The following DCC variants were observed in gnomAD, a reference collection of about 807,000 sequenced individuals.
The protein encoded by DCC is netrin receptor DCC.
Under a neutral mutation model 172.5 loss-of-function variants are expected in DCC, and 58 were observed. The ratio of observed to expected loss-of-function variants is 0.34; its 90% CI spans 0.27 to 0.42. The LOEUF (loss-of-function observed/expected upper bound fraction) is 0.42, where lower values mean the gene tolerates loss of function less well. Ranked by LOEUF, DCC falls within the 10% of genes least tolerant of loss-of-function variation. DCC has a pLI of 1.00. For missense variants in DCC, 1,740 were observed against 1,791.0 expected (o/e 0.97, Z 0.51); for synonymous variants, 709 against 644.5 (o/e 1.10, Z -1.52).
intron 28 of DCC, among the ~76,000 whole-genome samples, chr18:53,527,182 A>AGACT: frequency 6.8e-6 from 1 of 147,334 alleles, no homozygotes; most frequent in East Asian, 2.0e-4. Context: ...GGAAATAAAT[A>AGACT]AGACTATATA....
At chr18:53,316,351 C>T (rs972906375) in intron 13 of DCC, among the ~76,000 whole-genome samples, 27 of 152,066 alleles carry the variant, frequency 1.8e-4, no homozygotes, top group Admixed American at 3.3e-4. Flanking sequence ...GTTTTGTTTA[C>T]GGTAGCTTAT....
chr18:52,557,428 G>T lies in DCC; in HGVS notation c.92-194626G>T, dbSNP rs73957924. Among the ~76,000 whole-genome samples, 689 of 152,260 alleles carry T rather than the reference G, an allele frequency of 4.5e-3. 4 individuals carry two copies. The highest frequency in any genetic ancestry group is 0.016 in the African/African-American group (650 of 41,554). On this transcript the variant is annotated intron_variant, in intron 1 of 28. Transcript: ENST00000442544. ...TTGGTAGATGATTGACACAAGTCTG[G>T]CAGGGAGCCAGCGCTGTGAAAACCA...
At chr18:52,864,140 A>C (rs1458026022) in intron 2 of DCC, among the ~76,000 whole-genome samples, 1 of 152,214 alleles carries the variant, frequency 6.6e-6, no homozygotes, top group African/African-American at 2.4e-5. Flanking sequence ...GGTAAAACTC[A>C]CTAGTTTAAA....
chr18:53,040,229 A>G (rs1037298255), intron 5 of DCC, among the ~76,000 whole-genome samples: 3 of 152,040 alleles, frequency 2.0e-5, no homozygotes, highest in Non-Finnish European at 4.4e-5. Context: ...TGTGCTAGGC[A>G]CTGTGCTATG....
At chr18:52,351,712 G>A (rs1017782907) in intron 1 of DCC, among the ~76,000 whole-genome samples, 2 of 152,150 alleles carry the variant, frequency 1.3e-5, no homozygotes, top group Non-Finnish European at 2.9e-5. Context: ...GTGCCTGAAC[G>A]TGTTTAGTAA....
At chr18:53,524,295 A>G (rs1219881327) in intron 27 of DCC, among the ~76,000 whole-genome samples, 1 of 151,952 alleles carries the variant, frequency 6.6e-6, no homozygotes, top group Non-Finnish European at 1.5e-5. Context: ...TGTTGAATAC[A>G]TGAAAAAAAA....
chr18:52,620,546 G>T (rs533142439), intron 1 of DCC, among the ~76,000 whole-genome samples: 1 of 152,096 alleles, frequency 6.6e-6, no homozygotes, highest in East Asian at 1.9e-4. Flanking sequence ...ATTTGGTGAC[G>T]GTCATTTTCT....
intron 21 of DCC, among the ~76,000 whole-genome samples, chr18:53,423,502 G>A (rs1420662863): frequency 6.6e-6 from 1 of 152,102 alleles, no homozygotes; most frequent in Non-Finnish European, 1.5e-5. Context: ...TGGAAAAAGT[G>A]CATTTTTCAC....
chr18:52,652,711 A>AGT (rs71175513), intron 1 of DCC, among the ~76,000 whole-genome samples: 19,631 of 143,352 alleles, frequency 0.14, 1,437 homozygotes, highest in South Asian at 0.22. Flanking sequence ...ACTGCAATAA[A>AGT]GTGTGTGTGT....
chr18:52,841,772 G>A lies in DCC; in HGVS notation c.413-64272G>A, dbSNP rs146139268. On this transcript the variant is annotated intron_variant, in intron 2 of 28. Coordinates refer to ENST00000442544, the MANE Select transcript of DCC (RefSeq NM_005215.4). ...TTACAGCTGCCTCTGTCAATCACTC[G>A]TTTCCATCTGAACAACATTTTTGCC... Among the ~76,000 whole-genome samples the A allele has an allele frequency of 5.4e-3, 824 of 152,184 alleles. 5 individuals are homozygous for A. Among genetic ancestry groups the A allele is most frequent in the African/African-American group, 0.019 (791 of 41,534 alleles).
intron 15 of DCC, among the ~76,000 whole-genome samples, chr18:53,351,495 G>GTATATA (rs10585229): frequency 2.5e-5 from 2 of 79,776 alleles, no homozygotes; most frequent in African/African-American, 5.5e-5. Flanking sequence ...TATATAGTGT[G>GTATATA]TATATATATA....
chr18:53,160,737 T>C (rs964293840), intron 8 of DCC, among the ~76,000 whole-genome samples: 9 of 152,168 alleles, frequency 5.9e-5, no homozygotes, highest in Non-Finnish European at 1.0e-4. Context: ...TTTTCTCTCT[T>C]CTCAAATCTC....
intron 12 of DCC, among the ~76,000 whole-genome samples, chr18:53,216,532 A>G (rs114560187): frequency 0.023 from 3,560 of 152,302 alleles, 136 homozygotes; most frequent in African/African-American, 0.08. Flanking sequence ...AAGAATTACT[A>G]TCTTCCTTAT....
intron 1 of DCC, among the ~76,000 whole-genome samples, chr18:52,423,687 A>G (rs1987327879): frequency 6.6e-6 from 1 of 152,146 alleles, no homozygotes; most frequent in Non-Finnish European, 1.5e-5. Context: ...TCTGTAATCT[A>G]TCCTCAGCTG....
At chr18:52,478,291 A>G (rs1989154302) in intron 1 of DCC, among the ~76,000 whole-genome samples, 1 of 152,104 alleles carries the variant, frequency 6.6e-6, no homozygotes, top group South Asian at 2.1e-4. Flanking sequence ...CTCATATCAA[A>G]TGTGTCTTTT....
chr18:52,527,161 A>G (rs2144676830), intron 1 of DCC, among the ~76,000 whole-genome samples: 1 of 152,326 alleles, frequency 6.6e-6, no homozygotes, highest in East Asian at 1.9e-4. Flanking sequence ...TCGGTGATAA[A>G]AGAAAAAATT....
At chr18:52,952,454 T>C (rs927375495) in intron 5 of DCC, among the ~76,000 whole-genome samples, 1 of 152,190 alleles carries the variant, frequency 6.6e-6, no homozygotes, top group Non-Finnish European at 1.5e-5. Context: ...AACTATTTTC[T>C]TATCTACTTA....
intron 1 of DCC, among the ~76,000 whole-genome samples, chr18:52,719,592 C>T (rs2036441399): frequency 8.0e-6 from 1 of 124,494 alleles, no homozygotes; most frequent in Admixed American, 9.4e-5. Context: ...CGGGGGAGAT[C>T]AATATTAATC....
chr18:53,037,513 C>T (rs2042111679), intron 5 of DCC, among the ~76,000 whole-genome samples: 1 of 151,868 alleles, frequency 6.6e-6, no homozygotes, highest in Non-Finnish European at 1.5e-5. Context: ...ATCTTTGCCT[C>T]TTGGTCCCGC....
Sources: gnomAD v4.1 joint callset for allele counts (sites outside exome capture counted in the v4.1 genomes callset) on GRCh38, gnomAD v4.1.1 for gene constraint, MANE v1.5 for transcripts, NCBI Gene and HGNC (gene_info 2026-07-23, HGNC 2026-07-21) for gene names.